Variants in QTGAL observed in about 807,000 individuals in gnomAD.
QTGAL encodes the protein BGnT-like protein 1.
the QTGAL span, chr17:82,961,480 G>A: frequency 3.1e-5 from 13 of 418,198 alleles, no homozygotes; most frequent in African/African-American, 1.6e-4. Context: ...ACAGGCAGCC[G>A]AGGAAAGGGG....
At chr17:82,947,242 C>T in the QTGAL span, 3 of 487,500 alleles carry the variant, frequency 6.2e-6, no homozygotes, top group Non-Finnish European at 1.1e-5. Context: ...CATAAGGTGG[C>T]TGACTCTCCC....
At chr17:82,946,656 A>G in the QTGAL span, among the ~76,000 whole-genome samples, 1 of 151,636 alleles carries the variant, frequency 6.6e-6, no homozygotes, top group Admixed American at 6.6e-5. Context: ...AAAATATATA[A>G]TGAAAGATAA....
At chr17:83,027,061 C>A in the QTGAL span, among the ~76,000 whole-genome samples, 1 of 142,216 alleles carries the variant, frequency 7.0e-6, no homozygotes, top group African/African-American at 2.7e-5. Flanking sequence ...CAGAGCAGGG[C>A]GGGGAGCCTG....
At chr17:83,038,215 C>T in the QTGAL span, among the ~76,000 whole-genome samples, 6,799 of 152,212 alleles carry the variant, frequency 0.045, 270 homozygotes, top group African/African-American at 0.1. Flanking sequence ...AAAATACGTC[C>T]CTTTCAGCTA....
the QTGAL span, among the ~76,000 whole-genome samples, chr17:83,027,519 ATCT>A: frequency 6.6e-6 from 1 of 152,100 alleles, no homozygotes; most frequent in Non-Finnish European, 1.5e-5. Flanking sequence ...TGATGTTAAC[ATCT>A]TCTGCTCAAG....
the QTGAL span, among the ~76,000 whole-genome samples, chr17:82,959,789 T>C: frequency 2.0e-5 from 3 of 151,992 alleles, no homozygotes; most frequent in Non-Finnish European, 4.4e-5. Flanking sequence ...TGGGCTTTCC[T>C]AGGGGTCTCT....
the QTGAL span, among the ~76,000 whole-genome samples, chr17:82,972,190 C>T: frequency 5.8e-5 from 4 of 68,510 alleles, no homozygotes; most frequent in East Asian, 2.5e-3. Flanking sequence ...GGTGCCGACA[C>T]ACCACACCAT....
At chr17:82,960,133 G>A in the QTGAL span, among the ~76,000 whole-genome samples, 2 of 152,200 alleles carry the variant, frequency 1.3e-5, no homozygotes, top group East Asian at 3.9e-4. Flanking sequence ...CGCGGACGCG[G>A]GAGGCCCCAG....
the QTGAL span, chr17:82,946,933 C>A: frequency 6.4e-7 from 1 of 1,569,800 alleles, no homozygotes; most frequent in Admixed American, 1.9e-5. Context: ...CCTGGCCCTC[C>A]TGCAAGTGCA....
At chr17:82,982,527 G>A in the QTGAL span, among the ~76,000 whole-genome samples, 102,844 of 141,946 alleles carry the variant, frequency 0.72, 35,061 homozygotes, top group East Asian at 0.82. Context: ...CCACGAAAGG[G>A]CCTCACAGAG....
the QTGAL span, among the ~76,000 whole-genome samples, chr17:82,964,681 C>G: frequency 2.8e-5 from 3 of 105,868 alleles, no homozygotes; most frequent in Non-Finnish European, 3.7e-5. Context: ...ACGGGGGGGA[C>G]GGGGACACAG....
At chr17:82,953,448 C>T in the QTGAL span, among the ~76,000 whole-genome samples, 1 of 152,138 alleles carries the variant, frequency 6.6e-6, no homozygotes, top group Non-Finnish European at 1.5e-5. Flanking sequence ...CATACACCCT[C>T]CCAAGACTAA....
chr17:83,039,065 G>A, the QTGAL span, among the ~76,000 whole-genome samples: 11 of 152,192 alleles, frequency 7.2e-5, no homozygotes, highest in African/African-American at 2.7e-4. Context: ...GATGATGACA[G>A]CAATGATGAT....
At chr17:82,977,716 GCA>G in the QTGAL span, among the ~76,000 whole-genome samples, 3 of 152,098 alleles carry the variant, frequency 2.0e-5, no homozygotes, top group Non-Finnish European at 4.4e-5. Flanking sequence ...AGGTGTTCAG[GCA>G]CTGGACGCAG....
At chr17:83,014,609 G>A in the QTGAL span, 2 of 1,419,432 alleles carry the variant, frequency 1.4e-6, no homozygotes, top group Non-Finnish European at 2.0e-6. Context: ...AGGCTGGAGT[G>A]CAACGGCACA....
At chr17:82,977,296 C>T in the QTGAL span, among the ~76,000 whole-genome samples, 1 of 152,162 alleles carries the variant, frequency 6.6e-6, no homozygotes, top group Non-Finnish European at 1.5e-5. Context: ...ACCGTGTTTG[C>T]ATCCGTGACT....
chr17:82,985,780 C>T, the QTGAL span, among the ~76,000 whole-genome samples: 2 of 152,230 alleles, frequency 1.3e-5, no homozygotes, highest in African/African-American at 4.8e-5. Flanking sequence ...GGAATTTTTA[C>T]TTCCCAGTTA....
chr17:82,990,275 G>A, the QTGAL span, among the ~76,000 whole-genome samples: 1 of 152,230 alleles, frequency 6.6e-6, no homozygotes, highest in African/African-American at 2.4e-5. Flanking sequence ...TTATTTTGAA[G>A]CAGTCAGTCA....
the QTGAL span, among the ~76,000 whole-genome samples, chr17:82,958,482 C>A: frequency 1.3e-5 from 2 of 152,164 alleles, no homozygotes; most frequent in African/African-American, 2.4e-5. Context: ...GCCTCGGGAT[C>A]GGGGCAGGAT....
Sources: gnomAD v4.1 joint callset for allele counts (sites outside exome capture counted in the v4.1 genomes callset) on GRCh38, gnomAD v4.1.1 for gene constraint, MANE v1.5 for transcripts, NCBI Gene and HGNC (gene_info 2026-07-23, HGNC 2026-07-21) for gene names.